The following TM4SF19 variants were observed in gnomAD, a reference collection of about 807,000 sequenced individuals.
The protein encoded by TM4SF19 is transmembrane 4 L six family member 19.
In TM4SF19, 17 loss-of-function variants were observed where a neutral mutation model predicts 21.8. That is an observed-to-expected ratio of 0.78 (90% CI 0.53 to 1.17). The LOEUF is 1.17. TM4SF19 is among the 50% of genes most tolerant of loss of function. TM4SF19 has a pLI of 0.00. For missense variants in TM4SF19, 216 were observed against 252.1 expected, an observed-to-expected ratio of 0.86 and a Z score of 0.97; for synonymous variants, 107 against 106.7, an observed-to-expected ratio of 1.00 and a Z score of -0.02.
chr3:196,327,058 A>G, intron 2 of TM4SF19, 26 bp from the exon 3 acceptor site: 7 of 1,582,502 alleles, frequency 4.4e-6, no homozygotes, highest in Non-Finnish European at 6.1e-6. Flanking sequence ...GAATGTTGAG[A>G]TGGGGAAATC....
In TM4SF19 at chr3:196,325,745, C is replaced by G. The variant is rs12633502; in HGVS notation, c.279+1210G>C. Among the ~76,000 whole-genome samples the G allele has an allele frequency of 0.35, 53,697 of 151,828 alleles. 10,441 individuals carry two copies. The highest frequency in any genetic ancestry group is 0.81 in the East Asian group (4,179 of 5,138). ...GGGCAGTGGTTCCCAAAATGGGGTC[C>G]CTGCCCAGCCGCATCACATCACCTG... On this transcript the variant is annotated intron_variant, in intron 3 of 4. Transcript: ENST00000273695. This position sits in a 1 kb window ranked among gnomAD's most constrained non-coding sequence, Gnocchi z 4.3.
intron 1 of TM4SF19, among the ~76,000 whole-genome samples, chr3:196,332,371 G>C (rs754703956): frequency 1.3e-5 from 2 of 148,836 alleles, no homozygotes; most frequent in Non-Finnish European, 3.0e-5. Context: ...CCCAGATCAC[G>C]CCACTGCACT....
chr3:196,324,086 G>A (rs750007733), intron 4 of TM4SF19, 89 bp from the exon 5 acceptor site: 12 of 1,525,020 alleles, frequency 7.9e-6, no homozygotes, highest in African/African-American at 1.4e-5. Context: ...GGTCTCCCCT[G>A]ACCGGGTCAT....
intron 3 of TM4SF19, 64 bp downstream of exon 3, chr3:196,326,891 C>G (rs1442447921): frequency 2.1e-6 from 3 of 1,463,200 alleles, no homozygotes; most frequent in Non-Finnish European, 2.8e-6. Flanking sequence ...CTTTACCGCC[C>G]TGCCTCTAGA....
chr3:196,323,902 C>G lies in TM4SF19; in HGVS notation c.545G>C (p.Cys182Ser). ...WHVSLFSALL[C>S]ISLLQLLLVV... ...CAGGAGAAGCTGGAGCAGGCTGATGCACAGAAGGGCGGAGAAGAGGGACAC... is the reference window on the plus strand; with the variant it reads ...CAGGAGAAGCTGGAGCAGGCTGATGGACAGAAGGGCGGAGAAGAGGGACAC... The change falls in exon 5 of 5, where the codon TGC (cysteine) becomes TCC (serine). Residue 182 changes from cysteine (C) to serine (S), a missense_variant. Cys to Ser is a moderately radical substitution (Grantham distance 112). Transcript: ENST00000273695. 1 of 1,614,106 alleles carries G rather than the reference C, an allele frequency of 6.2e-7. No homozygotes were observed. The highest frequency in any genetic ancestry group is 8.5e-7 in the Non-Finnish European group (1 of 1,180,026).
chr3:196,323,645 A>G lies in TM4SF19; in HGVS notation c.*172T>C. 1 of 1,294,344 alleles carries G rather than the reference A, an allele frequency of 7.7e-7. No homozygotes were observed. The highest frequency in any genetic ancestry group is 1.1e-6 in the Non-Finnish European group (1 of 951,372). 80.2% of individuals were successfully genotyped at this position (1,294,344 alleles called of 1,614,324 possible). On this transcript the variant is annotated 3_prime_UTR_variant, in exon 5 of 5. Coordinates refer to ENST00000273695, the MANE Select transcript of TM4SF19 (RefSeq NM_138461.4). ...GGATCACCTGGAAGTTTACAATGTG[A>G]TTTAAAATGCATTCTATCATTCCAC...
Position 196,327,494 on chromosome 3 carries a change from T to G in TM4SF19, c.97A>C (p.Asn33His). 6.2e-7 allele frequency: 1 copy of G among 1,614,074 alleles called. No homozygotes were observed. Residue 33 changes from asparagine to histidine, a missense_variant, in exon 2 of 5, where the codon AAC becomes CAC. Transcript: ENST00000273695. ...GTAALFAAGA[N>H]VALLLPNWDV... Reference sequence around the variant, plus strand: ...CAGTTAGGAAGGAGGAGTGCCACGTTGGCCCCAGCAGCAAACAGGGCTGCA... The same window carrying G: ...CAGTTAGGAAGGAGGAGTGCCACGTGGGCCCCAGCAGCAAACAGGGCTGCA...
At chr3:196,333,608 G>C (rs1448192776) in intron 1 of TM4SF19, among the ~76,000 whole-genome samples, 2 of 152,028 alleles carry the variant, frequency 1.3e-5, no homozygotes, top group Non-Finnish European at 2.9e-5. Context: ...TTAAACATTG[G>C]GGGAGGGCCA....
At chr3:196,327,674 G>A in intron 1 of TM4SF19, 83 bp from the exon 2 acceptor site, 1 of 1,214,340 alleles carries the variant, frequency 8.2e-7, no homozygotes, top group Non-Finnish European at 1.2e-6. Flanking sequence ...CATGGGTGAG[G>A]GAAACAGACT....
At chr3:196,333,263 T>A (rs1279142911) in intron 1 of TM4SF19, among the ~76,000 whole-genome samples, 1 of 152,218 alleles carries the variant, frequency 6.6e-6, no homozygotes, top group East Asian at 1.9e-4. Context: ...CCTAGAAACC[T>A]GTCGTAAAGT....
chr3:196,328,169 G>A (rs1727374579), intron 1 of TM4SF19, among the ~76,000 whole-genome samples: 1 of 152,026 alleles, frequency 6.6e-6, no homozygotes, highest in Non-Finnish European at 1.5e-5. Flanking sequence ...GCACGGTGGT[G>A]GGTGCCTGTA....
At position 196,327,022 on chromosome 3, in the gene TM4SF19, G is replaced by C; in HGVS notation, c.212C>G (p.Ala71Gly). Residue 71 changes from alanine (A) to glycine (G), a missense_variant, in exon 3 of 5, where the codon GCA becomes GGA. Transcript: ENST00000273695. Reference sequence around the variant, plus strand: ...GCCCATCAAGGAGATGAGGATAGCTGCAGTGAGTACCTGCAGGAGAGAGAA... The same window carrying C: ...GCCCATCAAGGAGATGAGGATAGCTCCAGTGAGTACCTGCAGGAGAGAGAA... ...LWGGGLMVLT[A>G]AILISLMGWR... is the part of the protein sequence containing the mutation. 1 of 1,609,210 alleles carries C rather than the reference G, an allele frequency of 6.2e-7. No homozygotes were observed.
rs1727425151 is a variant in TM4SF19, at chr3:196,329,350, C to T, written c.-1-1759G>A. Among the ~76,000 whole-genome samples, 3 of 127,010 alleles carry T rather than the reference C, an allele frequency of 2.4e-5. 1 individual carries two copies. The highest frequency in any genetic ancestry group is 7.9e-5 in the African/African-American group (3 of 37,812). 83.3% of individuals were successfully genotyped at this position (127,010 alleles called of 152,430 possible). On this transcript the variant is annotated intron_variant, in intron 1 of 4. Coordinates refer to ENST00000273695, the MANE Select transcript of TM4SF19 (RefSeq NM_138461.4). ...CAAAACTGCCTTCACTATTACTTCACAACATATTCAAAAATTCACTTGAAA... is the reference window on the plus strand; with the variant it reads ...CAAAACTGCCTTCACTATTACTTCATAACATATTCAAAAATTCACTTGAAA...
intron 3 of TM4SF19, among the ~76,000 whole-genome samples, chr3:196,326,703 G>T (rs1462471292): frequency 1.3e-5 from 2 of 152,006 alleles, no homozygotes; most frequent in Non-Finnish European, 1.5e-5. Context: ...AGACGTCTGG[G>T]TCCTCACACT....
chr3:196,332,504 A>AG (rs1727557737), intron 1 of TM4SF19, among the ~76,000 whole-genome samples: 1 of 150,292 alleles, frequency 6.7e-6, no homozygotes, highest in African/African-American at 2.5e-5. Context: ...GGGAAGAAAA[A>AG]AAATATATAT....
intron 1 of TM4SF19, among the ~76,000 whole-genome samples, chr3:196,335,491 T>G (rs1289427168): frequency 4.0e-5 from 2 of 50,000 alleles, no homozygotes; most frequent in African/African-American, 1.6e-4. Flanking sequence ...AGGGGAGGGG[T>G]GCCCTGGGAG....
At chr3:196,330,717 T>C (rs997732972) in intron 1 of TM4SF19, among the ~76,000 whole-genome samples, 1 of 152,140 alleles carries the variant, frequency 6.6e-6, no homozygotes, top group Admixed American at 6.6e-5. Flanking sequence ...AGAGGATTAG[T>C]ATGGGGCATG....
chr3:196,330,410 T>C (rs1727460912), intron 1 of TM4SF19, among the ~76,000 whole-genome samples: 1 of 152,222 alleles, frequency 6.6e-6, no homozygotes, highest in Non-Finnish European at 1.5e-5. Context: ...ACAAATCTGA[T>C]GTTACTTTAC....
At chr3:196,337,560 G>C (rs994242475) in intron 1 of TM4SF19, among the ~76,000 whole-genome samples, 1 of 152,132 alleles carries the variant, frequency 6.6e-6, no homozygotes, top group African/African-American at 2.4e-5. Flanking sequence ...GAGTTTAGCT[G>C]GTGTGTGTGA....
Sources: allele counts gnomAD v4.1 joint callset (sites outside exome capture counted in the v4.1 genomes callset), GRCh38; gene constraint gnomAD v4.1.1; non-coding constraint Gnocchi (gnomAD v3.1); transcripts MANE v1.5; gene names NCBI Gene and HGNC (gene_info 2026-07-23, HGNC 2026-07-21).